The following ADAMTS2 variants were observed in gnomAD, a reference collection of about 807,000 sequenced individuals.
The protein encoded by ADAMTS2 is ADAM metallopeptidase with thrombospondin type 1 motif 2, also known as A disintegrin and metalloproteinase with thrombospondin motifs 2.
Under a neutral mutation model 123.0 loss-of-function variants are expected in ADAMTS2, and 50 were observed. The ratio of observed to expected loss-of-function variants is 0.41; its 90% CI spans 0.32 to 0.51. The LOEUF is 0.51. Ranked by LOEUF, ADAMTS2 falls within the 20% of genes least tolerant of loss-of-function variation. The pLI is 0.35. For synonymous variants in ADAMTS2, 678 were observed against 695.4 expected (o/e 0.98, Z 0.39); for missense variants, 1,494 against 1,705.2 (o/e 0.88, Z 2.18).
intron 4 of ADAMTS2, among the ~76,000 whole-genome samples, chr5:179,205,688 A>G (rs1444953003): frequency 6.6e-6 from 1 of 152,230 alleles, no homozygotes; most frequent in Non-Finnish European, 1.5e-5. Flanking sequence ...TTAGCATGGC[A>G]AGTGCCCAGC....
chr5:179,121,669 A>G lies in ADAMTS2; in HGVS notation c.3170T>C (p.Ile1057Thr), dbSNP rs775155341. Reference protein sequence around the residue: ...RPDPDSPIRKISSKGHCQGDK... With the variant: ...RPDPDSPIRKTSSKGHCQGDK... Reference sequence around the variant, plus strand: ...ATAAACGGGTCGGTTACTTGACGAGATCTTCCGGATGGGCGAGTCGGGGTC... The same window carrying G: ...ATAAACGGGTCGGTTACTTGACGAGGTCTTCCGGATGGGCGAGTCGGGGTC... The change falls in exon 21 of 22, where the codon ATC (isoleucine) becomes ACC (threonine). Residue 1057 changes from isoleucine (I) to threonine (T), a missense_variant. Ile to Thr is a moderately conservative substitution (Grantham distance 89, BLOSUM62 -1). Coordinates refer to ENST00000251582, the MANE Select transcript of ADAMTS2 (RefSeq NM_014244.5). 6.2e-7 allele frequency: 1 copy of G among 1,600,850 alleles called. No individual in the cohort carries two copies. The highest frequency in any genetic ancestry group is 1.1e-5 in the South Asian group (1 of 88,292).
In ADAMTS2 at chr5:179,139,922, C is replaced by G; in HGVS notation, c.1743G>C (p.Val581=). 1 of 1,612,304 alleles carries G rather than the reference C, an allele frequency of 6.2e-7. No individual in the cohort carries two copies. ...GSCSRTCGTG[V]KFRTRQCDNP... ...TGTCACACTGGCGGGTCCTGAACTT[C>G]ACGCCCGTGCCACAGGTACGTGAGC... The change falls in exon 11 of 22, where the codon GTG becomes GTC. Residue 581 remains valine (V), a synonymous_variant. Transcript: ENST00000251582.
intron 10 of ADAMTS2, 55 bp downstream of exon 10, chr5:179,152,087 T>C: frequency 6.5e-7 from 1 of 1,535,880 alleles, no homozygotes; most frequent in Non-Finnish European, 9.0e-7. Context: ...CCCGGGCACC[T>C]AAGATTCCTG....
At chr5:179,178,405 C>A (rs1410086502) in intron 5 of ADAMTS2, among the ~76,000 whole-genome samples, 2 of 152,246 alleles carry the variant, frequency 1.3e-5, no homozygotes, top group African/African-American at 2.4e-5. Context: ...TCTCTGCCCT[C>A]CTAGCCAGCA....
intron 3 of ADAMTS2, among the ~76,000 whole-genome samples, chr5:179,261,662 A>AGCTGGTAGC (rs1160259923): frequency 6.6e-6 from 1 of 152,224 alleles, no homozygotes; most frequent in Non-Finnish European, 1.5e-5. Flanking sequence ...TGTGGGGAAC[A>AGCTGGTAGC]GCTGGTAGCG....
At chr5:179,139,333 G>T (rs1763120931) in intron 11 of ADAMTS2, among the ~76,000 whole-genome samples, 4 of 152,080 alleles carry the variant, frequency 2.6e-5, no homozygotes, top group African/African-American at 7.2e-5. Context: ...GGGGTGTGTG[G>T]GGGTGAGGTG....
intron 6 of ADAMTS2, among the ~76,000 whole-genome samples, chr5:179,157,016 T>A (rs1763485566): frequency 6.9e-6 from 1 of 143,906 alleles, no homozygotes; most frequent in South Asian, 2.2e-4. Context: ...CAGGCTGGAG[T>A]GCAGTGGCAC....
Position 179,148,697 on chromosome 5 carries a change from C to A in ADAMTS2, c.1629+3445G>T, listed in dbSNP as rs146013357. On this transcript the variant is annotated intron_variant, in intron 10 of 21. Transcript: ENST00000251582. ...CCTCGCTCGGGCAAGCCCCACCTAG[C>A]GCCCACCTGTGCCCACATCTCCCCT... is the stretch of plus-strand genomic sequence containing the variant. Among the ~76,000 whole-genome samples the A allele has an allele frequency of 2.3e-3, 357 of 152,322 alleles. 1 individual carries two copies. The highest frequency in any genetic ancestry group is 8.2e-3 in the African/African-American group (342 of 41,574).
At chr5:179,206,296 G>T (rs1275032286) in intron 4 of ADAMTS2, among the ~76,000 whole-genome samples, 5 of 152,142 alleles carry the variant, frequency 3.3e-5, no homozygotes, top group African/African-American at 1.2e-4. Context: ...TGCCCCTGAG[G>T]TATCTTTTCA....
At chr5:179,310,722 T>C in intron 2 of ADAMTS2, among the ~76,000 whole-genome samples, 1 of 152,146 alleles carries the variant, frequency 6.6e-6, no homozygotes, top group East Asian at 1.9e-4. Flanking sequence ...TCTGATGACA[T>C]TGAAGTCTGG....
In ADAMTS2 at chr5:179,303,020, A is replaced by C. The variant is rs1038159360; in HGVS notation, c.535-29956T>G. 7.3e-6 allele frequency among the ~76,000 whole-genome samples: 1 copy of C among 137,312 alleles called. No homozygotes were observed. The highest frequency in any genetic ancestry group is 1.6e-5 in the Non-Finnish European group (1 of 62,068). The allele number at this position is 137,312 out of a possible 152,430, so 90.1% of individuals were successfully genotyped here. On this transcript the variant is annotated intron_variant, in intron 2 of 21. Coordinates refer to ENST00000251582, the MANE Select transcript of ADAMTS2 (RefSeq NM_014244.5). This position sits in a 1 kb window ranked among gnomAD's most constrained non-coding sequence, Gnocchi z 4.7. Reference sequence around the variant, plus strand: ...GCCTGGGTGGGGTACAGGAGGTCAGAGTGGTGGGCGGGGGCAGACTGCACA... The same window carrying C: ...GCCTGGGTGGGGTACAGGAGGTCAGCGTGGTGGGCGGGGGCAGACTGCACA...
At position 179,247,477 on chromosome 5, in the gene ADAMTS2, C is replaced by A. The variant is rs375812556; in HGVS notation, c.688+25434G>T. 4.6e-5 allele frequency among the ~76,000 whole-genome samples: 7 copies of A among 152,174 alleles called. No individual in the cohort carries two copies. The East Asian group carries it at 5.8e-4, about 13-fold the overall frequency. ...AAGAATGTTTGAAAAAACAATGGCT[C>A]CAAATTCCCCAAATTTGATAAAAAG... On this transcript the variant is annotated intron_variant, in intron 3 of 21. Coordinates refer to ENST00000251582, the MANE Select transcript of ADAMTS2 (RefSeq NM_014244.5).
At chr5:179,282,474 T>G (rs369180301) in intron 2 of ADAMTS2, among the ~76,000 whole-genome samples, 2 of 152,210 alleles carry the variant, frequency 1.3e-5, no homozygotes, top group African/African-American at 4.8e-5. Flanking sequence ...CTCAGTTCTA[T>G]TCTACCAATC....
intron 2 of ADAMTS2, among the ~76,000 whole-genome samples, chr5:179,292,355 T>C (rs1756214454): frequency 6.6e-6 from 1 of 150,880 alleles, no homozygotes; most frequent in Non-Finnish European, 1.5e-5. Flanking sequence ...CTGTGGGAGA[T>C]ATAAATATGA....
intron 3 of ADAMTS2, among the ~76,000 whole-genome samples, chr5:179,213,534 G>A (rs868405839): frequency 6.6e-6 from 1 of 152,302 alleles, no homozygotes; most frequent in South Asian, 2.1e-4. Flanking sequence ...GGCGAGCTGG[G>A]GGCCTCTGGG....
At chr5:179,325,414 G>A (rs1475877260) in intron 2 of ADAMTS2, among the ~76,000 whole-genome samples, 2 of 152,192 alleles carry the variant, frequency 1.3e-5, no homozygotes, top group African/African-American at 4.8e-5. Flanking sequence ...GGAGACAGAA[G>A]GCAATGGGGA....
chr5:179,281,841 T>G (rs1766921098), intron 2 of ADAMTS2, among the ~76,000 whole-genome samples: 1 of 152,238 alleles, frequency 6.6e-6, no homozygotes. Flanking sequence ...TGACTCTAGC[T>G]ATCCAGCAGG....
chr5:179,126,812 G>A (rs1762867902), intron 17 of ADAMTS2, among the ~76,000 whole-genome samples: 1 of 152,194 alleles, frequency 6.6e-6, no homozygotes, highest in South Asian at 2.1e-4. Context: ...ATCCCAGGAA[G>A]CAGAGGCTGG....
Position 179,113,967 on chromosome 5 carries a change from A to G in ADAMTS2, c.3536T>C (p.Leu1179Pro). Residue 1179 changes from leucine to proline, a missense_variant, in exon 22 of 22, where the codon CTA (leucine) becomes CCA (proline). Leu to Pro is a moderately conservative substitution (Grantham distance 98, BLOSUM62 -3). This residue lies in a region of ADAMTS2 where 953 missense variants were observed against 1,124.7 expected (regional missense o/e 0.85). Coordinates refer to ENST00000251582, the MANE Select transcript of ADAMTS2 (RefSeq NM_014244.5). Reference protein sequence around the residue: ...GLEDEVQPPNLIPRRPSPYEK... With the variant: ...GLEDEVQPPNPIPRRPSPYEK... ...ATAGGGGCTCGGTCGTCGAGGGATT[A>G]GGTTGGGTGGCTGGACTTCATCTTC... is the stretch of plus-strand genomic sequence containing the variant. 1 of 1,614,048 alleles carries G rather than the reference A, an allele frequency of 6.2e-7. No homozygotes were observed.
Sources: gnomAD v4.1 joint callset for allele counts (sites outside exome capture counted in the v4.1 genomes callset) on GRCh38, gnomAD v4.1.1 for gene constraint, gnomAD v4.1.1 regional missense constraint, Gnocchi (gnomAD v3.1) non-coding constraint, MANE v1.5 for transcripts, NCBI Gene and HGNC (gene_info 2026-07-23, HGNC 2026-07-21) for gene names.